REC114: variants seen among roughly 807,000 people sequenced by gnomAD.
REC114 encodes the protein meiotic recombination protein REC114.
A neutral mutation model predicts 31.3 loss-of-function variants in REC114; 27 were observed. That is an observed-to-expected ratio of 0.86 (90% CI 0.64 to 1.19). The LOEUF (loss-of-function observed/expected upper bound fraction) is 1.19, where lower values mean the gene tolerates loss of function less well. REC114 is among the 50% of genes most tolerant of loss of function. The probability of loss-of-function intolerance (pLI) is 0.00; values close to 1 mark genes in which losing one functional copy is unlikely to be tolerated. For synonymous variants in REC114, 134 were observed against 127.7 expected, an observed-to-expected ratio of 1.05 and a Z score of -0.33; for missense variants, 344 against 326.9, an observed-to-expected ratio of 1.05 and a Z score of -0.40.
intron 2 of REC114, among the ~76,000 whole-genome samples, chr15:73,537,690 A>G (rs775090340): frequency 6.6e-6 from 1 of 152,256 alleles, no homozygotes; most frequent in Non-Finnish European, 1.5e-5. Flanking sequence ...TAAGCATAAC[A>G]TTAAACAATA....
At chr15:73,484,110 T>TAC (rs1409042816) in intron 2 of REC114, among the ~76,000 whole-genome samples, 1 of 152,132 alleles carries the variant, frequency 6.6e-6, no homozygotes, top group Non-Finnish European at 1.5e-5. Context: ...AATTCCCCTT[T>TAC]ACACACACAC....
intron 2 of REC114, among the ~76,000 whole-genome samples, chr15:73,539,282 ATTTTTTT>A (rs753968018): frequency 3.5e-4 from 25 of 70,822 alleles, no homozygotes; most frequent in African/African-American, 1.2e-3. Flanking sequence ...TTCAGAACTG[ATTTTTTT>A]TTTTTTTTTT....
chr15:73,472,390 A>G (rs1893144543), intron 1 of REC114, among the ~76,000 whole-genome samples: 1 of 152,198 alleles, frequency 6.6e-6, no homozygotes, highest in African/African-American at 2.4e-5. Context: ...CTAAAATGTT[A>G]TTCACTTTTT....
At chr15:73,555,517 G>T (rs1455634927) in intron 4 of REC114, among the ~76,000 whole-genome samples, 1 of 152,110 alleles carries the variant, frequency 6.6e-6, no homozygotes, top group African/African-American at 2.4e-5. Context: ...GAGCATCCCT[G>T]TACTTCCTGC....
At chr15:73,493,022 A>G (rs1257450359) in intron 2 of REC114, among the ~76,000 whole-genome samples, 1 of 146,926 alleles carries the variant, frequency 6.8e-6, no homozygotes, top group Non-Finnish European at 1.5e-5. Flanking sequence ...ATTTTTATTT[A>G]TTTATTTTTT....
intron 2 of REC114, among the ~76,000 whole-genome samples, chr15:73,537,338 A>C (rs1246871299): frequency 6.6e-6 from 1 of 152,202 alleles, no homozygotes; most frequent in Non-Finnish European, 1.5e-5. Context: ...GAAGAGATAT[A>C]GGAAACTCCA....
At chr15:73,505,391 T>G (rs1295829335) in intron 2 of REC114, among the ~76,000 whole-genome samples, 1 of 152,072 alleles carries the variant, frequency 6.6e-6, no homozygotes, top group Non-Finnish European at 1.5e-5. Flanking sequence ...ATGAAAACAG[T>G]TTTTTGTCCA....
rs757901000 is a variant in REC114, at chr15:73,556,399, T to G, written c.636+8T>G. 45 of 1,608,220 alleles carry G rather than the reference T, an allele frequency of 2.8e-5. No individual in the cohort carries two copies. Among genetic ancestry groups the G allele is most frequent in the Admixed American group, 6.8e-5 (4 of 58,746 alleles). On this transcript the variant is annotated splice_region_variant and intron_variant, in intron 5 of 5. Coordinates refer to ENST00000331090, the MANE Select transcript of REC114 (RefSeq NM_001042367.2). ...CTGACGCAGTTAGCTCAGGTAGAGC[T>G]TATTTCTGTGTTCAATTTTCTTGTC...
chr15:73,532,011 T>C (rs1894092494), intron 2 of REC114, among the ~76,000 whole-genome samples: 1 of 151,694 alleles, frequency 6.6e-6, no homozygotes, highest in Admixed American at 6.6e-5. Context: ...TACTTTAAGT[T>C]TTAGGGTACA....
chr15:73,525,341 TTC>T (rs1257653552), intron 2 of REC114, among the ~76,000 whole-genome samples: 1 of 152,158 alleles, frequency 6.6e-6, no homozygotes. Context: ...TCATTAAATT[TTC>T]TGTTTTCTAT....
intron 1 of REC114, among the ~76,000 whole-genome samples, chr15:73,470,302 G>T (rs1452832659): frequency 1.3e-5 from 2 of 151,952 alleles, no homozygotes; most frequent in African/African-American, 4.8e-5. Flanking sequence ...AAGATATTTA[G>T]GTAAAATTTT....
intron 2 of REC114, among the ~76,000 whole-genome samples, chr15:73,476,305 T>A (rs767031860): frequency 6.6e-6 from 1 of 152,210 alleles, no homozygotes; most frequent in Non-Finnish European, 1.5e-5. Context: ...TTGAAGTGTT[T>A]TAATAAATCT....
chr15:73,519,472 G>A (rs1453109984), intron 2 of REC114, among the ~76,000 whole-genome samples: 1 of 152,192 alleles, frequency 6.6e-6, no homozygotes, highest in East Asian at 1.9e-4. Context: ...CAGCTAGAAT[G>A]GACTAAGACA....
chr15:73,450,891 T>TA (rs1447469033), intron 1 of REC114, among the ~76,000 whole-genome samples: 1 of 152,032 alleles, frequency 6.6e-6, no homozygotes, highest in Non-Finnish European at 1.5e-5. Flanking sequence ...GACTACTGGG[T>TA]AAATAAAGAA....
At chr15:73,489,620 G>A (rs1163789308) in intron 2 of REC114, among the ~76,000 whole-genome samples, 2 of 151,460 alleles carry the variant, frequency 1.3e-5, no homozygotes, top group East Asian at 3.9e-4. Context: ...AACTTATTAT[G>A]TAAAGGCCCA....
intron 2 of REC114, among the ~76,000 whole-genome samples, chr15:73,523,705 A>G (rs1893968060): frequency 6.6e-6 from 1 of 152,142 alleles, no homozygotes; most frequent in Non-Finnish European, 1.5e-5. Context: ...AAATTTTATG[A>G]AGTCTGATTT....
At chr15:73,497,748 T>C (rs1893549137) in intron 2 of REC114, among the ~76,000 whole-genome samples, 1 of 152,210 alleles carries the variant, frequency 6.6e-6, no homozygotes, top group Admixed American at 6.5e-5. Flanking sequence ...TTTCAGGGGC[T>C]GACTTAAGAA....
chr15:73,540,429 T>G, intron 2 of REC114, 56 bp from the exon 3 acceptor site: 1 of 1,188,288 alleles, frequency 8.4e-7, no homozygotes, highest in Non-Finnish European at 1.3e-6. Context: ...GCTGCAGCCA[T>G]AGCTATTCTT....
At chr15:73,552,138 T>C (rs991282725) in intron 4 of REC114, among the ~76,000 whole-genome samples, 6 of 152,260 alleles carry the variant, frequency 3.9e-5, no homozygotes, top group Non-Finnish European at 5.9e-5. Context: ...ACAAGTTTAT[T>C]GCCATGGTTT....
Sources: gnomAD v4.1 joint callset for allele counts (sites outside exome capture counted in the v4.1 genomes callset) on GRCh38, gnomAD v4.1.1 for gene constraint, MANE v1.5 for transcripts, NCBI Gene and HGNC (gene_info 2026-07-23, HGNC 2026-07-21) for gene names.